The following CSMD2 variants were observed in gnomAD, a reference collection of about 807,000 sequenced individuals.
CSMD2 encodes CUB and sushi domain-containing protein 2.
Under a neutral mutation model 398.5 loss-of-function variants are expected in CSMD2, and 130 were observed. That is an observed-to-expected ratio of 0.33 (90% CI 0.28 to 0.38). The LOEUF is 0.38. Among genes scored for constraint, CSMD2 ranks in the 10% least tolerant of loss-of-function variants. CSMD2 has a pLI of 1.00. For synonymous variants in CSMD2, 1,828 were observed against 1,908.5 expected, an observed-to-expected ratio of 0.96 and a Z score of 1.10; for missense variants, 3,829 against 4,764.9, an observed-to-expected ratio of 0.80 and a Z score of 5.78.
chr1:33,519,397 G>C lies in CSMD2; in HGVS notation c.*53+68C>G. 1.0e-6 allele frequency: 1 copy of C among 960,072 alleles called. No individual in the cohort carries two copies. The highest frequency in any genetic ancestry group is 1.5e-5 in the South Asian group (1 of 67,672). The allele number at this position is 960,072 out of a possible 1,614,324, so 59.5% of individuals were successfully genotyped here. On this transcript the variant is annotated intron_variant, in intron 70 of 70. Transcript: ENST00000373381. This position sits in a 1 kb window ranked among gnomAD's most constrained non-coding sequence, Gnocchi z 5.6. ...GGTGTGTGCGACTCCGTTGGGTGGA[G>C]CCCCTGGCACGCATAGGTCCCTGTC...
intron 60 of CSMD2, among the ~76,000 whole-genome samples, chr1:33,538,695 A>G (rs1286394290): frequency 6.6e-6 from 1 of 152,230 alleles, no homozygotes; most frequent in Non-Finnish European, 1.5e-5. Flanking sequence ...ACAAGTGAAG[A>G]GCAACCAGCG....
At chr1:33,542,942 A>T (rs774339485) in intron 57 of CSMD2, 46 bp from the exon 58 acceptor site, 2 of 1,564,036 alleles carry the variant, frequency 1.3e-6, no homozygotes, top group Admixed American at 1.7e-5. Flanking sequence ...AATGGTGGGT[A>T]TCACCTAGGG....
At chr1:33,581,018 C>T in intron 47 of CSMD2, 119 bp from the exon 48 acceptor site, 1 of 888,666 alleles carries the variant, frequency 1.1e-6, no homozygotes, top group Non-Finnish European at 1.7e-6. Flanking sequence ...ATCATTTGTA[C>T]TTGCACTCCT....
At chr1:33,730,939 C>T (rs945773534) in intron 15 of CSMD2, among the ~76,000 whole-genome samples, 2 of 152,054 alleles carry the variant, frequency 1.3e-5, no homozygotes, top group Admixed American at 1.3e-4. Flanking sequence ...CCCTAGTGCC[C>T]AAATTTTAAA....
At chr1:33,879,948 T>C (rs1021949325) in intron 5 of CSMD2, among the ~76,000 whole-genome samples, 5 of 152,202 alleles carry the variant, frequency 3.3e-5, no homozygotes, top group Admixed American at 2.6e-4. Context: ...TTAAGTTCTA[T>C]GCAAAGTGCT....
chr1:33,976,651 C>A (rs1038149995), intron 3 of CSMD2, among the ~76,000 whole-genome samples: 1 of 152,126 alleles, frequency 6.6e-6, no homozygotes, highest in South Asian at 2.1e-4. Context: ...AAATCTTTCC[C>A]GCTGCCCCCT....
intron 1 of CSMD2, among the ~76,000 whole-genome samples, chr1:34,102,189 C>G (rs1203932968): frequency 6.6e-6 from 1 of 152,070 alleles, no homozygotes. Flanking sequence ...CGCCACCACG[C>G]CCGGCTAATT....
At chr1:34,156,446 T>C (rs1640813028) in intron 1 of CSMD2, among the ~76,000 whole-genome samples, 1 of 152,204 alleles carries the variant, frequency 6.6e-6, no homozygotes, top group Non-Finnish European at 1.5e-5. Context: ...ATAATATACT[T>C]GTATCTCAAA....
chr1:34,066,130 C>T (rs1474374708), intron 2 of CSMD2, among the ~76,000 whole-genome samples: 5 of 152,174 alleles, frequency 3.3e-5, no homozygotes, highest in Non-Finnish European at 7.3e-5. Context: ...CTGCTGAGAA[C>T]ACTCAGTGAG....
chr1:34,021,542 G>A (rs985073575), intron 3 of CSMD2, among the ~76,000 whole-genome samples: 6 of 152,220 alleles, frequency 3.9e-5, no homozygotes, highest in East Asian at 1.9e-4. Flanking sequence ...ATGTTTGGGG[G>A]TCTCTGGGCC....
In CSMD2 at chr1:33,537,362, T is replaced by C; in HGVS notation, c.9805+74A>G. The C allele has an allele frequency of 6.8e-7, 1 of 1,466,498 alleles. No homozygotes were observed. The highest frequency in any genetic ancestry group is 9.3e-7 in the Non-Finnish European group (1 of 1,077,158). 90.8% of individuals were successfully genotyped at this position (1,466,498 alleles called of 1,614,324 possible). On this transcript the variant is annotated intron_variant, in intron 61 of 70. Coordinates refer to ENST00000373381, the MANE Select transcript of CSMD2 (RefSeq NM_001281956.2). The surrounding 1 kb of genome is among the most constrained non-coding windows in gnomAD (Gnocchi z 4.6). ...GACCACTGAAGACAGGGAAGGAAAG[T>C]AATCATCTCAGGCCCAAAAGAAGGT...
intron 5 of CSMD2, among the ~76,000 whole-genome samples, chr1:33,884,235 A>G (rs1479458812): frequency 6.6e-6 from 1 of 151,638 alleles, no homozygotes; most frequent in East Asian, 2.0e-4. Context: ...CTCTCCTCAC[A>G]CCTAAGCTGA....
intron 19 of CSMD2, among the ~76,000 whole-genome samples, chr1:33,723,177 C>A (rs1646415973): frequency 6.6e-6 from 1 of 152,238 alleles, no homozygotes; most frequent in Non-Finnish European, 1.5e-5. Flanking sequence ...ATTTTAATAT[C>A]CGGAAGGATT....
Position 33,662,967 on chromosome 1 carries a change from C to T in CSMD2, c.4178G>A (p.Ser1393Asn). ...CTGCAGGACGACCGAGTTGAAGGTGCTATGCAGGTCCTTGGGCAGGGCCGG... is the reference window on the plus strand; with the variant it reads ...CTGCAGGACGACCGAGTTGAAGGTGTTATGCAGGTCCTTGGGCAGGGCCGG... ...SGPALPKDLHSTFNSVVLQFS... is the reference protein window; with the variant it reads ...SGPALPKDLHNTFNSVVLQFS... Residue 1393 changes from serine (S) to asparagine (N), a missense_variant, in exon 26 of 71, where the codon AGC becomes AAC. Physicochemically the swap from Ser to Asn is conservative, Grantham distance 46 (BLOSUM62 1). Transcript: ENST00000373381. 1 of 1,614,150 alleles carries T rather than the reference C, an allele frequency of 6.2e-7. No individual in the cohort carries two copies. Among genetic ancestry groups the T allele is most frequent in the Non-Finnish European group, 8.5e-7 (1 of 1,180,016 alleles).
At chr1:33,999,745 T>C (rs1287458124) in intron 3 of CSMD2, among the ~76,000 whole-genome samples, 1 of 152,126 alleles carries the variant, frequency 6.6e-6, no homozygotes, top group African/African-American at 2.4e-5. Context: ...CTAAGGCTTT[T>C]CCCCAGTTCT....
intron 49 of CSMD2, among the ~76,000 whole-genome samples, chr1:33,575,682 C>T (rs147883591): frequency 2.1e-4 from 32 of 152,174 alleles, no homozygotes; most frequent in African/African-American, 7.7e-4. Context: ...TTCCAACTGG[C>T]GCTCCGGAAA....
At chr1:33,541,357 C>G in intron 58 of CSMD2, 48 bp from the exon 59 acceptor site, 1 of 1,438,740 alleles carries the variant, frequency 7.0e-7, no homozygotes, top group Non-Finnish European at 9.7e-7. Context: ...CAGGACCCCA[C>G]TTCTCCTCCA....
At chr1:34,115,871 T>A (rs705217) in intron 1 of CSMD2, among the ~76,000 whole-genome samples, 1 of 151,712 alleles carries the variant, frequency 6.6e-6, no homozygotes, top group Non-Finnish European at 1.5e-5. Context: ...TGAGGCTTAT[T>A]ATCAGTCTAA....
Position 33,590,837 on chromosome 1 carries a change from G to A in CSMD2, c.6857-3669C>T, listed in dbSNP as rs190892384. Among the ~76,000 whole-genome samples the A allele has an allele frequency of 5.2e-4, 79 of 152,194 alleles. No individual in the cohort carries two copies. The East Asian group carries it at 5.2e-3, about 10-fold the overall frequency. Reference sequence around the variant, plus strand: ...TGAACATGTTAACTCGTGAACGGTGGGGGCAATTGCTTTATTAATGTTAAG... The same window carrying A: ...TGAACATGTTAACTCGTGAACGGTGAGGGCAATTGCTTTATTAATGTTAAG... On this transcript the variant is annotated intron_variant, in intron 44 of 70. Transcript: ENST00000373381.
Sources: allele counts gnomAD v4.1 joint callset (sites outside exome capture counted in the v4.1 genomes callset), GRCh38; gene constraint gnomAD v4.1.1; non-coding constraint Gnocchi (gnomAD v3.1); transcripts MANE v1.5; gene names NCBI Gene and HGNC (gene_info 2026-07-23, HGNC 2026-07-21).